ATE1: variants seen among roughly 807,000 people sequenced by gnomAD.
ATE1 encodes the protein arginyltransferase 1, also known as arginyl-tRNA--protein transferase 1.
Under a neutral mutation model 70.5 loss-of-function variants are expected in ATE1, and 36 were observed. The observed-to-expected ratio is 0.51, with a 90% CI of 0.39 to 0.67. The LOEUF (loss-of-function observed/expected upper bound fraction) is 0.67, where lower values mean the gene tolerates loss of function less well. Ranked by LOEUF, ATE1 falls within the 30% of genes least tolerant of loss-of-function variation. The probability of loss-of-function intolerance (pLI) is 0.00; values close to 1 mark genes in which losing one functional copy is unlikely to be tolerated. For synonymous variants in ATE1, 232 were observed against 219.3 expected, an observed-to-expected ratio of 1.06 and a Z score of -0.51; for missense variants, 593 against 629.5, an observed-to-expected ratio of 0.94 and a Z score of 0.62.
At chr10:121,928,090 C>G, upstream of ATE1, 2 of 1,212,226 alleles carry the variant, frequency 1.6e-6, no homozygotes, top group Non-Finnish European at 1.0e-6. Flanking sequence ...GCCCGGCCGG[C>G]CCGGCGCCTC....
At chr10:121,771,101 C>T (rs1909007) in intron 11 of ATE1, among the ~76,000 whole-genome samples, 108,820 of 151,912 alleles carry the variant, frequency 0.72, 39,173 homozygotes, top group Non-Finnish European at 0.77. Flanking sequence ...AGACAGAGTC[C>T]CACTTTGTCA....
intron 7 of ATE1, among the ~76,000 whole-genome samples, chr10:121,894,634 T>TC (rs1412690236): frequency 6.6e-6 from 1 of 151,998 alleles, no homozygotes; most frequent in African/African-American, 2.4e-5. Flanking sequence ...GTGTGGGAGC[T>TC]CACGCCTGTA....
intron 11 of ATE1, among the ~76,000 whole-genome samples, chr10:121,766,261 ATGG>A (rs1401811196): frequency 6.6e-6 from 1 of 152,138 alleles, no homozygotes; most frequent in Non-Finnish European, 1.5e-5. Context: ...AATATTCTTC[ATGG>A]TGGAGTCAGA....
chr10:121,875,113 T>C lies in ATE1; in HGVS notation c.943-5075A>G, dbSNP rs182821235. ...GAGACCGCACCACTGCACTCCAGCC[T>C]GGGCGACAGACTGAGACTCCGTCTC... is the stretch of plus-strand genomic sequence containing the variant. On this transcript the variant is annotated intron_variant, in intron 7 of 11. Coordinates refer to ENST00000224652, the MANE Select transcript of ATE1 (RefSeq NM_001001976.3). 8.5e-3 allele frequency among the ~76,000 whole-genome samples: 1,078 copies of C among 126,490 alleles called. 15 individuals carry two copies. Among genetic ancestry groups the C allele is most frequent in the African/African-American group, 0.031 (1,041 of 33,080 alleles). 83.0% of individuals were successfully genotyped at this position (126,490 alleles called of 152,430 possible).
At chr10:121,887,300 C>T (rs1328355013) in intron 7 of ATE1, among the ~76,000 whole-genome samples, 1 of 152,186 alleles carries the variant, frequency 6.6e-6, no homozygotes, top group Non-Finnish European at 1.5e-5. Context: ...ATTGTCTAAA[C>T]AAGTGAATAT....
At chr10:121,873,571 A>C (rs1467721055) in intron 7 of ATE1, among the ~76,000 whole-genome samples, 2 of 152,064 alleles carry the variant, frequency 1.3e-5, no homozygotes, top group Non-Finnish European at 2.9e-5. Context: ...TATTAGTTAC[A>C]ATCAGTAAGT....
intron 10 of ATE1, among the ~76,000 whole-genome samples, chr10:121,823,162 C>T (rs1407880276): frequency 1.3e-5 from 2 of 151,960 alleles, no homozygotes; most frequent in Non-Finnish European, 2.9e-5. Flanking sequence ...CGGTGGCGGG[C>T]GCCTTTAGTC....
At chr10:121,776,667 A>C (rs1945755929) in intron 11 of ATE1, among the ~76,000 whole-genome samples, 1 of 152,252 alleles carries the variant, frequency 6.6e-6, no homozygotes, top group South Asian at 2.1e-4. Flanking sequence ...CAAAACTACC[A>C]GAGTGTACCA....
At chr10:121,834,231 C>T (rs567831845) in intron 10 of ATE1, among the ~76,000 whole-genome samples, 2 of 152,190 alleles carry the variant, frequency 1.3e-5, no homozygotes, top group East Asian at 3.9e-4. Context: ...ATGTCTACCA[C>T]ACAGCACTCA....
Position 121,911,161 on chromosome 10 carries a change from A to G in ATE1, c.338-10T>C. ...GAATCCATGGGCTCATCTACAAATC[A>G]GAAGAAATTAAAAATCCATCAGCTG... On this transcript the variant is annotated splice_polypyrimidine_tract_variant and intron_variant, in intron 4 of 11. Transcript: ENST00000224652. The G allele has an allele frequency of 6.3e-7, 1 of 1,599,804 alleles. No homozygotes were observed. The highest frequency in any genetic ancestry group is 8.5e-7 in the Non-Finnish European group (1 of 1,177,232).
chr10:121,877,342 C>A (rs962604811), intron 7 of ATE1, among the ~76,000 whole-genome samples: 5 of 152,152 alleles, frequency 3.3e-5, no homozygotes, highest in African/African-American at 1.2e-4. Flanking sequence ...AAATTTTATA[C>A]AAGAGAAATC....
chr10:121,903,987 T>C (rs1274876075), intron 5 of ATE1, among the ~76,000 whole-genome samples: 2 of 112,376 alleles, frequency 1.8e-5, no homozygotes, highest in African/African-American at 5.5e-5. Flanking sequence ...CAAATTTTCT[T>C]TTTTTTTTTT....
At chr10:121,862,634 A>G (rs1301510483) in intron 8 of ATE1, among the ~76,000 whole-genome samples, 3 of 136,852 alleles carry the variant, frequency 2.2e-5, no homozygotes, top group African/African-American at 5.6e-5. Flanking sequence ...TCAACCTCCC[A>G]AAGTGCTGAG....
intron 5 of ATE1, among the ~76,000 whole-genome samples, chr10:121,903,073 C>A (rs371602866): frequency 4.0e-5 from 6 of 150,368 alleles, no homozygotes; most frequent in South Asian, 2.1e-4. Context: ...ACCATGTTGG[C>A]CAGACTGGTC....
At chr10:121,846,389 TCTGCCCTAAAGGTA>T (rs1948822790) in intron 8 of ATE1, among the ~76,000 whole-genome samples, 1 of 152,212 alleles carries the variant, frequency 6.6e-6, no homozygotes, top group Admixed American at 6.5e-5. Flanking sequence ...ATGTAGCTAT[TCTGCCCTAAAGGTA>T]GGGGAGCATA....
chr10:121,756,475 T>C (rs1944806844), intron 11 of ATE1, among the ~76,000 whole-genome samples: 2 of 152,190 alleles, frequency 1.3e-5, no homozygotes, highest in Admixed American at 1.3e-4. Flanking sequence ...AGGGCTCCAA[T>C]GCCACCTTTC....
chr10:121,785,311 T>C (rs765356608), intron 11 of ATE1, among the ~76,000 whole-genome samples: 16 of 152,168 alleles, frequency 1.1e-4, no homozygotes, highest in Non-Finnish European at 2.1e-4. Flanking sequence ...TAAGGGGCCC[T>C]AGGAAGTTGC....
rs1193249073 is a variant in ATE1, at chr10:121,927,878, G to C, written c.72C>G (p.Gly24=). Residue 24 remains glycine (G), a synonymous_variant, in exon 1 of 12, where the codon GGC becomes GGG. Coordinates refer to ENST00000224652, the MANE Select transcript of ATE1 (RefSeq NM_001001976.3). ...YFPSEDFYRC[G]YCKNESGSRS... is the part of the protein sequence containing the mutation. Reference sequence around the variant, plus strand: ...GGCTGCCCGACTCGTTCTTGCAGTAGCCGCAGCGGTAGAAGTCCTCGCTAG... The same window carrying C: ...GGCTGCCCGACTCGTTCTTGCAGTACCCGCAGCGGTAGAAGTCCTCGCTAG... 6.3e-7 allele frequency: 1 copy of C among 1,589,318 alleles called. No individual in the cohort carries two copies. Among genetic ancestry groups the C allele is most frequent in the African/African-American group, 1.4e-5 (1 of 72,754 alleles).
At chr10:121,925,427 C>CAAA (rs35309690) in intron 1 of ATE1, among the ~76,000 whole-genome samples, 4 of 118,742 alleles carry the variant, frequency 3.4e-5, no homozygotes. Context: ...AGCTCTGTCT[C>CAAA]AAAAAAAAAA....
Sources: allele counts gnomAD v4.1 joint callset (sites outside exome capture counted in the v4.1 genomes callset), GRCh38; gene constraint gnomAD v4.1.1; transcripts MANE v1.5; gene names NCBI Gene and HGNC (gene_info 2026-07-23, HGNC 2026-07-21).